Variants in CNTNAP2 observed in about 807,000 individuals in gnomAD.
CNTNAP2 encodes the protein contactin associated protein 2.
In CNTNAP2, 98 loss-of-function variants were observed where a neutral mutation model predicts 155.2. The ratio of observed to expected loss-of-function variants is 0.63; its 90% CI spans 0.54 to 0.75. The LOEUF (loss-of-function observed/expected upper bound fraction) is 0.75, where lower values mean the gene tolerates loss of function less well. CNTNAP2 is among the 30% of genes least tolerant of loss of function. The pLI is 0.00. For missense variants in CNTNAP2, 1,727 were observed against 1,688.1 expected (o/e 1.02, Z -0.40); for synonymous variants, 651 against 631.2 (o/e 1.03, Z -0.47).
intron 8 of CNTNAP2, among the ~76,000 whole-genome samples, chr7:147,289,461 T>G (rs1450708858): frequency 7.1e-6 from 1 of 141,036 alleles, no homozygotes. Context: ...GAAAGAAAGA[T>G]AAAGGAAAGG....
chr7:147,689,764 A>C (rs1318859489), intron 13 of CNTNAP2, among the ~76,000 whole-genome samples: 13 of 152,148 alleles, frequency 8.5e-5, no homozygotes, highest in Non-Finnish European at 2.9e-5. Context: ...TTATTGAAGA[A>C]AGTAGGTTTT....
At chr7:147,195,124 C>A (rs951677157) in intron 8 of CNTNAP2, among the ~76,000 whole-genome samples, 1 of 152,156 alleles carries the variant, frequency 6.6e-6, no homozygotes, top group African/African-American at 2.4e-5. Context: ...AGTCCAGTTT[C>A]GGTTTTCTGC....
chr7:146,394,839 C>A (rs766080704), intron 1 of CNTNAP2, among the ~76,000 whole-genome samples: 2 of 152,042 alleles, frequency 1.3e-5, no homozygotes, highest in South Asian at 4.1e-4. Context: ...TTAGTATAAC[C>A]ATTCCCAGAA....
At chr7:146,350,187 T>C (rs1403179144) in intron 1 of CNTNAP2, among the ~76,000 whole-genome samples, 1 of 152,176 alleles carries the variant, frequency 6.6e-6, no homozygotes, top group African/African-American at 2.4e-5. Context: ...CTTTTTTCTC[T>C]AAACTTCCCT....
intron 1 of CNTNAP2, among the ~76,000 whole-genome samples, chr7:146,540,141 C>T (rs1027987348): frequency 6.6e-6 from 1 of 152,078 alleles, no homozygotes; most frequent in African/African-American, 2.4e-5. Flanking sequence ...ATTACATGAG[C>T]AAGGTCTTAA....
chr7:146,798,638 C>A (rs1008154705), intron 2 of CNTNAP2, among the ~76,000 whole-genome samples: 4 of 152,152 alleles, frequency 2.6e-5, no homozygotes, highest in Non-Finnish European at 4.4e-5. Flanking sequence ...AGCCACTGTG[C>A]CTGGCCCATA....
chr7:147,563,300 G>C (rs1009640374), intron 12 of CNTNAP2, among the ~76,000 whole-genome samples: 4 of 152,068 alleles, frequency 2.6e-5, no homozygotes, highest in African/African-American at 9.7e-5. Flanking sequence ...AAAAGTTATT[G>C]GATGAAAAAA....
At chr7:147,228,662 A>AT (rs1803604009) in intron 8 of CNTNAP2, among the ~76,000 whole-genome samples, 1 of 151,876 alleles carries the variant, frequency 6.6e-6, no homozygotes, top group Non-Finnish European at 1.5e-5. Context: ...TCACTTTTTT[A>AT]TTTTTTTATT....
chr7:146,723,275 C>T (rs1801370542), intron 1 of CNTNAP2, among the ~76,000 whole-genome samples: 1 of 152,008 alleles, frequency 6.6e-6, no homozygotes, highest in Non-Finnish European at 1.5e-5. Flanking sequence ...CAACTGGGGC[C>T]ACCAGAAGCT....
intron 3 of CNTNAP2, among the ~76,000 whole-genome samples, chr7:146,877,558 T>C (rs1218521466): frequency 6.6e-6 from 1 of 151,484 alleles, no homozygotes; most frequent in African/African-American, 2.4e-5. Context: ...ATAATATGTG[T>C]ATACTATATA....
chr7:148,370,300 G>A (rs535371023), intron 21 of CNTNAP2, among the ~76,000 whole-genome samples: 4 of 152,306 alleles, frequency 2.6e-5, no homozygotes, highest in African/African-American at 9.6e-5. Context: ...TGACGTCTCA[G>A]TGGCTGGGTC....
chr7:147,071,731 G>C (rs1349225027), intron 4 of CNTNAP2, among the ~76,000 whole-genome samples: 2 of 152,184 alleles, frequency 1.3e-5, no homozygotes, highest in Admixed American at 6.5e-5. Flanking sequence ...GGCACAGAAT[G>C]AATCAACTAG....
intron 21 of CNTNAP2, among the ~76,000 whole-genome samples, chr7:148,312,056 T>A (rs975555165): frequency 1.3e-5 from 2 of 152,166 alleles, no homozygotes; most frequent in Non-Finnish European, 2.9e-5. Flanking sequence ...TTGGAAGTTA[T>A]GAGAACTGTA....
intron 14 of CNTNAP2, among the ~76,000 whole-genome samples, chr7:147,943,237 G>T (rs1800757410): frequency 6.6e-6 from 1 of 152,080 alleles, no homozygotes; most frequent in Non-Finnish European, 1.5e-5. Flanking sequence ...ACTTGCTGAT[G>T]GTAGATTAAC....
intron 1 of CNTNAP2, among the ~76,000 whole-genome samples, chr7:146,457,469 G>T (rs1360376816): frequency 5.7e-5 from 4 of 70,262 alleles, no homozygotes; most frequent in Admixed American, 1.8e-4. Flanking sequence ...TTCATTTATA[G>T]CTTCAAAAAT....
At chr7:148,179,929 T>C (rs1327545109) in intron 18 of CNTNAP2, among the ~76,000 whole-genome samples, 2 of 152,200 alleles carry the variant, frequency 1.3e-5, no homozygotes, top group Admixed American at 6.5e-5. Context: ...CAAAAGCGGT[T>C]GGAAGACTGA....
intron 13 of CNTNAP2, among the ~76,000 whole-genome samples, chr7:147,785,794 C>A (rs1015215937): frequency 6.6e-6 from 1 of 151,910 alleles, no homozygotes; most frequent in African/African-American, 2.4e-5. Flanking sequence ...GAGTTTGAGA[C>A]CAGCCTAGCC....
At position 146,849,913 on chromosome 7, in the gene CNTNAP2, G is replaced by A. The variant is rs780696448; in HGVS notation, c.402+10009G>A. On this transcript the variant is annotated intron_variant, in intron 3 of 23. Coordinates refer to ENST00000361727, the MANE Select transcript of CNTNAP2 (RefSeq NM_014141.6). ...TACAATAACTTTAAACAAAAGCCCGGGTCATCTTGCACAGCTTTCAGGATG... is the reference window on the plus strand; with the variant it reads ...TACAATAACTTTAAACAAAAGCCCGAGTCATCTTGCACAGCTTTCAGGATG... Among the ~76,000 whole-genome samples the A allele has an allele frequency of 1.4e-4, 21 of 152,014 alleles. No homozygotes were observed. In the Middle Eastern group the frequency reaches 0.01, roughly 74 times the overall value.
intron 13 of CNTNAP2, among the ~76,000 whole-genome samples, chr7:147,732,937 C>A (rs1796769328): frequency 6.6e-6 from 1 of 152,262 alleles, no homozygotes; most frequent in South Asian, 2.1e-4. Context: ...GATATTAACC[C>A]TTTGTCAGAT....
Sources: gnomAD v4.1 joint callset for allele counts (sites outside exome capture counted in the v4.1 genomes callset) on GRCh38, gnomAD v4.1.1 for gene constraint, MANE v1.5 for transcripts, NCBI Gene and HGNC (gene_info 2026-07-23, HGNC 2026-07-21) for gene names.